The following MYO16 variants were observed in gnomAD, a reference collection of about 807,000 sequenced individuals.
MYO16 encodes myosin XVI, also known as unconventional myosin-XVI.
MYO16 carries 94 observed loss-of-function variants against 205.3 expected under a neutral mutation model. That is an observed-to-expected ratio of 0.46 (90% CI 0.39 to 0.54). MYO16 has a LOEUF of 0.54. MYO16 is among the 20% of genes least tolerant of loss of function. The pLI, the probability that MYO16 is intolerant of heterozygous loss-of-function variation, is 0.00. For missense variants in MYO16, 2,315 were observed against 2,387.5 expected, an observed-to-expected ratio of 0.97 and a Z score of 0.63; for synonymous variants, 988 against 954.0, an observed-to-expected ratio of 1.04 and a Z score of -0.66.
In MYO16 at chr13:108,888,495, G is replaced by T; in HGVS notation, c.1659+18G>T. On this transcript the variant is annotated intron_variant, in intron 14 of 34. Transcript: ENST00000457511. ...TCAAACATGTAAGTTTTTTGTTTGG[G>T]TTGGCAAATATGTGAATGAAGATGT... The T allele has an allele frequency of 6.4e-7, 1 of 1,558,060 alleles. No individual in the cohort carries two copies. Among genetic ancestry groups the T allele is most frequent in the Non-Finnish European group, 8.8e-7 (1 of 1,140,936 alleles).
intron 32 of MYO16, among the ~76,000 whole-genome samples, chr13:109,161,677 G>T (rs1204565950): frequency 1.3e-5 from 2 of 152,052 alleles, no homozygotes; most frequent in Non-Finnish European, 2.9e-5. Context: ...CCAGAGCCAG[G>T]CTTAAGTAGA....
At chr13:108,652,160 C>CGT (rs1017909188) in intron 1 of MYO16, among the ~76,000 whole-genome samples, 5 of 150,986 alleles carry the variant, frequency 3.3e-5, no homozygotes, top group African/African-American at 7.4e-5. Flanking sequence ...TGTGTGCGCG[C>CGT]GCGCGCATGT....
chr13:108,633,990 C>T (rs1019763979), intron 1 of MYO16, among the ~76,000 whole-genome samples: 5 of 152,134 alleles, frequency 3.3e-5, no homozygotes, highest in Admixed American at 6.5e-5. Context: ...CTGTTCCACT[C>T]GAGTGACGAA....
chr13:108,860,569 C>A (rs1171648115), intron 11 of MYO16, among the ~76,000 whole-genome samples: 3 of 152,236 alleles, frequency 2.0e-5, no homozygotes, highest in Non-Finnish European at 4.4e-5. Flanking sequence ...GCTTTTAGCT[C>A]TTTGAGGTAT....
At chr13:108,782,488 C>T (rs536790608) in intron 4 of MYO16, among the ~76,000 whole-genome samples, 33 of 152,204 alleles carry the variant, frequency 2.2e-4, no homozygotes, top group Admixed American at 5.2e-4. Flanking sequence ...TGCAGCCTGA[C>T]GATGTGGTAG....
chr13:108,667,320 G>GTTTT (rs770988720), intron 2 of MYO16, among the ~76,000 whole-genome samples: 12 of 128,540 alleles, frequency 9.3e-5, no homozygotes, highest in African/African-American at 3.4e-4. Context: ...TTTCTGTTTT[G>GTTTT]TTTTTTTTTT....
At chr13:108,603,597 C>T (rs776364751) in intron 1 of MYO16, among the ~76,000 whole-genome samples, 7 of 151,882 alleles carry the variant, frequency 4.6e-5, no homozygotes, top group African/African-American at 4.8e-5. Context: ...TTAACTTCTT[C>T]GGATGAACTT....
chr13:108,794,649 T>C (rs932645524), intron 6 of MYO16, among the ~76,000 whole-genome samples: 4 of 152,224 alleles, frequency 2.6e-5, no homozygotes, highest in African/African-American at 7.2e-5. Context: ...AATTTGTATA[T>C]ATTTGATGTC....
the MYO16 span, among the ~76,000 whole-genome samples, chr13:108,542,049 A>G: frequency 3.3e-5 from 5 of 152,206 alleles, no homozygotes; most frequent in African/African-American, 9.6e-5. Flanking sequence ...TAGCAAAGAC[A>G]TGGAATCAAC....
At chr13:109,194,327 A>G (rs1380142232) in intron 34 of MYO16, among the ~76,000 whole-genome samples, 1 of 152,184 alleles carries the variant, frequency 6.6e-6, no homozygotes, top group African/African-American at 2.4e-5. Flanking sequence ...AAAACTGACT[A>G]AACTCAATTG....
intron 2 of MYO16, among the ~76,000 whole-genome samples, chr13:108,688,488 C>T (rs1350872156): frequency 6.6e-6 from 1 of 152,084 alleles, no homozygotes; most frequent in Non-Finnish European, 1.5e-5. Context: ...CTATTATCGC[C>T]ACCCTATTCT....
intron 2 of MYO16, among the ~76,000 whole-genome samples, chr13:108,676,841 T>C (rs1202868102): frequency 3.3e-5 from 5 of 152,084 alleles, no homozygotes; most frequent in Admixed American, 6.6e-5. Context: ...CTCCAGGGAT[T>C]CCCCAACCCG....
intron 16 of MYO16, among the ~76,000 whole-genome samples, chr13:108,953,134 T>A (rs913380668): frequency 6.6e-6 from 1 of 152,230 alleles, no homozygotes; most frequent in African/African-American, 2.4e-5. Flanking sequence ...TAACATTGCA[T>A]CAATGATTGT....
At chr13:109,097,973 G>T (rs2139704690) in intron 27 of MYO16, among the ~76,000 whole-genome samples, 1 of 137,804 alleles carries the variant, frequency 7.3e-6, no homozygotes, top group Admixed American at 7.4e-5. Flanking sequence ...CTTCAGCTGA[G>T]AAGGTAACTG....
At chr13:108,862,132 A>G (rs1878476177) in intron 11 of MYO16, among the ~76,000 whole-genome samples, 2 of 152,194 alleles carry the variant, frequency 1.3e-5, no homozygotes, top group African/African-American at 2.4e-5. Flanking sequence ...TTGAAATCTC[A>G]AAAGATCGAA....
chr13:108,998,744 T>C (rs925359790), intron 21 of MYO16, among the ~76,000 whole-genome samples: 1 of 152,222 alleles, frequency 6.6e-6, no homozygotes, highest in Non-Finnish European at 1.5e-5. Context: ...ATCGCGAATC[T>C]AGAGGGTGAC....
intron 2 of MYO16, among the ~76,000 whole-genome samples, chr13:108,670,384 G>A (rs1881931808): frequency 2.0e-5 from 3 of 152,174 alleles, no homozygotes; most frequent in Admixed American, 2.0e-4. Flanking sequence ...ATGGTGCCTA[G>A]GAGACTATGG....
chr13:108,601,506 G>A (rs770380911), intron 1 of MYO16, among the ~76,000 whole-genome samples: 11 of 152,024 alleles, frequency 7.2e-5, no homozygotes, highest in Non-Finnish European at 1.5e-4. Flanking sequence ...AAATCCGATT[G>A]GGGACTAGAC....
intron 20 of MYO16, among the ~76,000 whole-genome samples, chr13:108,972,362 A>G (rs1250481232): frequency 6.3e-5 from 2 of 31,870 alleles, no homozygotes; most frequent in South Asian, 1.8e-3. Flanking sequence ...ATATATATAT[A>G]TATATATATA....
Sources: gnomAD v4.1 joint callset for allele counts (sites outside exome capture counted in the v4.1 genomes callset) on GRCh38, gnomAD v4.1.1 for gene constraint, MANE v1.5 for transcripts, NCBI Gene and HGNC (gene_info 2026-07-23, HGNC 2026-07-21) for gene names.